LMBR1: variants seen among roughly 807,000 people sequenced by gnomAD.
LMBR1 encodes limb region 1 protein homolog.
In LMBR1, 52 loss-of-function variants were observed where a neutral mutation model predicts 73.9. The observed-to-expected ratio is 0.70, with a 90% CI of 0.56 to 0.89. The LOEUF (loss-of-function observed/expected upper bound fraction) is 0.89, where lower values mean the gene tolerates loss of function less well. Ranked by LOEUF, LMBR1 falls within the 40% of genes least tolerant of loss-of-function variation. The pLI, the probability that LMBR1 is intolerant of heterozygous loss-of-function variation, is 0.00. For synonymous variants in LMBR1, 215 were observed against 209.4 expected (o/e 1.03, Z -0.23); for missense variants, 539 against 579.8 (o/e 0.93, Z 0.72).
At chr7:156,835,665 C>CGA (rs1837496144) in intron 2 of LMBR1, among the ~76,000 whole-genome samples, 1 of 150,250 alleles carries the variant, frequency 6.7e-6, no homozygotes, top group Admixed American at 6.6e-5. Context: ...ACTGCACTCC[C>CGA]GCCTGGGCGA....
intron 15 of LMBR1, among the ~76,000 whole-genome samples, chr7:156,690,527 G>A (rs922832567): frequency 2.0e-5 from 3 of 152,132 alleles, no homozygotes; most frequent in African/African-American, 7.2e-5. Context: ...TTTGCAAAAC[G>A]GGAAAGTGCT....
At chr7:156,733,933 A>G (rs1817351529) in intron 10 of LMBR1, 2 of 309,876 alleles carry the variant, frequency 6.5e-6, no homozygotes, top group Non-Finnish European at 1.2e-5. Flanking sequence ...AAGGCAATGG[A>G]GCAACATCTT....
intron 15 of LMBR1, among the ~76,000 whole-genome samples, chr7:156,708,854 G>T (rs542767976): frequency 1.9e-4 from 29 of 152,252 alleles, no homozygotes; most frequent in African/African-American, 7.0e-4. Flanking sequence ...GACCAGCCTT[G>T]CCAACTGTGT....
At chr7:156,764,436 TTC>T (rs1395560295) in intron 5 of LMBR1, among the ~76,000 whole-genome samples, 2 of 152,160 alleles carry the variant, frequency 1.3e-5, no homozygotes, top group Non-Finnish European at 2.9e-5. Context: ...GTAAAACAAA[TTC>T]TGACTTCAGG....
chr7:156,690,994 C>G (rs1400781519), intron 15 of LMBR1, among the ~76,000 whole-genome samples: 4 of 152,080 alleles, frequency 2.6e-5, no homozygotes, highest in East Asian at 1.9e-4. Flanking sequence ...TCAGACAAAG[C>G]TTTAATAGCA....
chr7:156,881,858 G>A (rs533972022), intron 1 of LMBR1, among the ~76,000 whole-genome samples: 3 of 151,444 alleles, frequency 2.0e-5, no homozygotes, highest in Non-Finnish European at 2.9e-5. Flanking sequence ...AAGAGAAATC[G>A]GAACCCTTGC....
At chr7:156,846,148 T>C (rs943459886) in intron 1 of LMBR1, among the ~76,000 whole-genome samples, 39 of 151,968 alleles carry the variant, frequency 2.6e-4, no homozygotes, top group African/African-American at 8.9e-4. Context: ...GGCATGAACA[T>C]GTAGTGCCAG....
At chr7:156,729,499 A>G (rs1816437421) in intron 10 of LMBR1, among the ~76,000 whole-genome samples, 1 of 139,134 alleles carries the variant, frequency 7.2e-6, no homozygotes, top group African/African-American at 2.7e-5. Flanking sequence ...TTTGAGATGG[A>G]GTCTCGCTCT....
At chr7:156,843,947 G>C (rs186168640) in intron 1 of LMBR1, among the ~76,000 whole-genome samples, 1 of 152,048 alleles carries the variant, frequency 6.6e-6, no homozygotes, top group Non-Finnish European at 1.5e-5. Flanking sequence ...CATTGGATAA[G>C]ACTAATGGAA....
chr7:156,783,159 T>G (rs958686596), intron 5 of LMBR1, among the ~76,000 whole-genome samples: 1 of 152,136 alleles, frequency 6.6e-6, no homozygotes, highest in Non-Finnish European at 1.5e-5. Context: ...TATCAATTTA[T>G]TTAGGTTTTC....
intron 1 of LMBR1, among the ~76,000 whole-genome samples, chr7:156,890,702 T>G (rs1802753454): frequency 1.3e-5 from 2 of 152,204 alleles, no homozygotes; most frequent in Non-Finnish European, 2.9e-5. Context: ...CAAGTATTGA[T>G]AAAGATGAGT....
intron 9 of LMBR1, among the ~76,000 whole-genome samples, chr7:156,740,154 AG>A (rs1221803766): frequency 1.3e-5 from 2 of 152,122 alleles, no homozygotes; most frequent in Non-Finnish European, 2.9e-5. Flanking sequence ...ATCAAGCAGA[AG>A]AAAGAACTGG....
chr7:156,888,407 C>CT (rs1802315917), intron 1 of LMBR1, among the ~76,000 whole-genome samples: 1 of 110,214 alleles, frequency 9.1e-6, no homozygotes, highest in South Asian at 2.9e-4. Flanking sequence ...GAGACTCTGT[C>CT]TCAAAAAAAA....
At chr7:156,697,989 T>C (rs1161338109) in intron 15 of LMBR1, among the ~76,000 whole-genome samples, 1 of 152,218 alleles carries the variant, frequency 6.6e-6, no homozygotes, top group Non-Finnish European at 1.5e-5. Context: ...AGTCCCTCCA[T>C]TCGTGGTCCG....
At chr7:156,773,133 C>T (rs1825510405) in intron 5 of LMBR1, among the ~76,000 whole-genome samples, 1 of 151,904 alleles carries the variant, frequency 6.6e-6, no homozygotes, top group African/African-American at 2.4e-5. Flanking sequence ...CCTAGAAATA[C>T]AGCTAGTCAG....
At chr7:156,864,062 G>A (rs1798100917) in intron 1 of LMBR1, among the ~76,000 whole-genome samples, 2 of 152,156 alleles carry the variant, frequency 1.3e-5, no homozygotes, top group South Asian at 2.1e-4. Flanking sequence ...GCTGAGGCAT[G>A]AGAATCACTT....
intron 1 of LMBR1, among the ~76,000 whole-genome samples, chr7:156,887,443 G>A (rs1041190835): frequency 4.7e-5 from 6 of 127,374 alleles, no homozygotes; most frequent in Admixed American, 9.9e-5. Flanking sequence ...CCAACCTGGC[G>A]ACAGAGTGAG....
chr7:156,848,839 A>G (rs1227981897), intron 1 of LMBR1, among the ~76,000 whole-genome samples: 1 of 151,638 alleles, frequency 6.6e-6, no homozygotes, highest in Non-Finnish European at 1.5e-5. Context: ...GCTCAAGTAC[A>G]AGAATCACTT....
At chr7:156,793,500 G>A (rs1829583608) in intron 5 of LMBR1, among the ~76,000 whole-genome samples, 1 of 152,172 alleles carries the variant, frequency 6.6e-6, no homozygotes, top group African/African-American at 2.4e-5. Flanking sequence ...TAGCTGTAAT[G>A]CTCAAGCTGA....
Sources: gnomAD v4.1 joint callset for allele counts (sites outside exome capture counted in the v4.1 genomes callset) on GRCh38, gnomAD v4.1.1 for gene constraint, MANE v1.5 for transcripts, NCBI Gene and HGNC (gene_info 2026-07-23, HGNC 2026-07-21) for gene names.